SESN1: variants seen among roughly 807,000 people sequenced by gnomAD.
SESN1 encodes the protein sestrin-1.
Under a neutral mutation model 59.3 loss-of-function variants are expected in SESN1, and 30 were observed. The ratio of observed to expected loss-of-function variants is 0.51; its 90% CI spans 0.38 to 0.69. The LOEUF is 0.69. SESN1 is among the 30% of genes least tolerant of loss of function. The pLI is 0.00. For missense variants in SESN1, 566 were observed against 673.0 expected (o/e 0.84, Z 1.76); for synonymous variants, 197 against 219.9 (o/e 0.90, Z 0.92).
At chr6:108,995,736 A>G (rs1023937853) in intron 5 of SESN1, among the ~76,000 whole-genome samples, 2 of 152,162 alleles carry the variant, frequency 1.3e-5, no homozygotes, top group African/African-American at 4.8e-5. Flanking sequence ...GTGAGCTGTG[A>G]TTGTGCCACT....
chr6:108,996,064 G>T (rs146869870), intron 5 of SESN1, among the ~76,000 whole-genome samples: 82 of 152,268 alleles, frequency 5.4e-4, no homozygotes, highest in Non-Finnish European at 1.0e-3. Context: ...ATTTAATGCA[G>T]GCTCCCTTCC....
In SESN1 at chr6:109,046,991, T is replaced by TG. The variant is rs1269383264; in HGVS notation, c.280-44649dup. 1.0e-3 allele frequency among the ~76,000 whole-genome samples: 73 copies of TG among 69,914 alleles called. 1 individual carries two copies. Among genetic ancestry groups the TG allele is most frequent in the Middle Eastern group, 9.3e-3 (1 of 108 alleles). 45.9% of individuals were successfully genotyped at this position (69,914 alleles called of 152,430 possible). A position where few individuals can be genotyped will look rare whatever the true frequency, so the allele number is the denominator to read the frequency against. Reference sequence around the variant, plus strand: ...GCAGCCACCCCGTCCGGGAGGGAGGTGGGGGGGGTCAGCCCCCTGCCCGGC... The same window carrying TG: ...GCAGCCACCCCGTCCGGGAGGGAGGTGGGGGGGGGTCAGCCCCCTGCCCGGC... On this transcript the variant is annotated intron_variant, in intron 1 of 9. Transcript: ENST00000436639.
chr6:109,028,310 T>C (rs777749360), intron 1 of SESN1, among the ~76,000 whole-genome samples: 4 of 152,262 alleles, frequency 2.6e-5, no homozygotes, highest in Non-Finnish European at 5.9e-5. Context: ...TGTATCTGAC[T>C]ATCTTCCCAC....
In SESN1 at chr6:109,009,039, G is replaced by A. The variant is rs573313413; in HGVS notation, c.280-6696C>T. The A allele has an allele frequency of 1.0e-5, 10 of 978,360 alleles. No individual in the cohort carries two copies. In the East Asian group the frequency reaches 5.7e-4, roughly 56 times the overall value. The allele number at this position is 978,360 out of a possible 1,614,324, so 60.6% of individuals were successfully genotyped here. On this transcript the variant is annotated intron_variant, in intron 1 of 9. Coordinates refer to ENST00000436639, the MANE Select transcript of SESN1 (RefSeq NM_014454.3). Reference sequence around the variant, plus strand: ...TTTCTGACTTGTGGAGACTTGTCCAGACGACAATGTTATTTACGTATTGGA... The same window carrying A: ...TTTCTGACTTGTGGAGACTTGTCCAAACGACAATGTTATTTACGTATTGGA...
Position 108,986,974 on chromosome 6 carries a change from T to C in SESN1, c.*570A>G, listed in dbSNP as rs1451506306. The stretch of plus-strand genomic sequence containing the variant: ...AATGGTTGTTGCTGAGCTGTGTGAG[T>C]AGGAATTCTATGCTTTTTTAGATGC... On this transcript the variant is annotated 3_prime_UTR_variant, in exon 10 of 10. Transcript: ENST00000436639. 1 of 152,666 alleles carries C rather than the reference T, an allele frequency of 6.6e-6. No individual in the cohort carries two copies. Among genetic ancestry groups the C allele is most frequent in the Non-Finnish European group, 1.5e-5 (1 of 68,042 alleles). 9.5% of individuals were successfully genotyped at this position (152,666 alleles called of 1,614,324 possible).
At chr6:109,080,242 G>A (rs1173034131) in intron 1 of SESN1, among the ~76,000 whole-genome samples, 1 of 152,140 alleles carries the variant, frequency 6.6e-6, no homozygotes. Context: ...TGCACTGCCA[G>A]CACTGTCATG....
intron 1 of SESN1, among the ~76,000 whole-genome samples, chr6:109,011,661 GCT>G (rs759324706): frequency 6.9e-6 from 1 of 145,006 alleles, no homozygotes; most frequent in South Asian, 2.1e-4. Context: ...ACAGAGTCTC[GCT>G]CTGTCAGCCA....
chr6:109,049,250 TATG>T (rs147951360), intron 1 of SESN1, among the ~76,000 whole-genome samples: 2 of 152,238 alleles, frequency 1.3e-5, no homozygotes, highest in East Asian at 1.9e-4. Context: ...GAACTGAATT[TATG>T]ATAAGTAAAA....
chr6:109,073,485 C>A (rs974765698), intron 1 of SESN1, among the ~76,000 whole-genome samples: 3 of 152,134 alleles, frequency 2.0e-5, no homozygotes, highest in African/African-American at 7.2e-5. Context: ...TGTGACATTG[C>A]AAACCCGTCT....
In SESN1 at chr6:108,985,478, T is replaced by C. The variant is rs12212402; in HGVS notation, c.*2066A>G. Among the ~76,000 whole-genome samples the C allele has an allele frequency of 0.1, 15,269 of 152,262 alleles. 907 individuals carry two copies. Among genetic ancestry groups the C allele is most frequent in the Middle Eastern group, 0.19 (57 of 294 alleles). On this transcript the variant is annotated 3_prime_UTR_variant, in exon 10 of 10. Coordinates refer to ENST00000436639, the MANE Select transcript of SESN1 (RefSeq NM_014454.3). ...CATTAGAAATCCTGTGTGTTTAGTTTTGAGAAAACACTCCAACAGGAAGCA... is the reference window on the plus strand; with the variant it reads ...CATTAGAAATCCTGTGTGTTTAGTTCTGAGAAAACACTCCAACAGGAAGCA...
intron 1 of SESN1, among the ~76,000 whole-genome samples, chr6:109,058,407 C>A (rs540653800): frequency 1.3e-4 from 20 of 152,264 alleles, no homozygotes. Flanking sequence ...TAGGTTATAC[C>A]ATATAGCCTA....
In SESN1 at chr6:109,068,743, A is replaced by G. The variant is rs1384609109; in HGVS notation, c.279+25052T>C. Reference sequence around the variant, plus strand: ...GGGCTTTTTTTTTTTTTTTTGAGGCAGAGCTTCACTCTTATTGCCCAGGCT... The same window carrying G: ...GGGCTTTTTTTTTTTTTTTTGAGGCGGAGCTTCACTCTTATTGCCCAGGCT... On this transcript the variant is annotated intron_variant, in intron 1 of 9. Transcript: ENST00000436639. 4.8e-5 allele frequency among the ~76,000 whole-genome samples: 7 copies of G among 146,328 alleles called. No homozygotes were observed. In the East Asian group the frequency reaches 1.4e-3, roughly 29 times the overall value.
Position 108,987,352 on chromosome 6 carries a change from T to C in SESN1, c.*192A>G, listed in dbSNP as rs1321389218. On this transcript the variant is annotated 3_prime_UTR_variant, in exon 10 of 10. Transcript: ENST00000436639. ...GCAGCCTGTCTTCACAGCTCTAAAC[T>C]TGAAGCTGCCAAACAGTCACTGCTT... 5 of 486,478 alleles carry C rather than the reference T, an allele frequency of 1.0e-5. No individual in the cohort carries two copies. The highest frequency in any genetic ancestry group is 3.9e-5 in the South Asian group (1 of 25,656). The allele number at this position is 486,478 out of a possible 1,614,324, so 30.1% of individuals were successfully genotyped here. A position where few individuals can be genotyped will look rare whatever the true frequency, so the allele number is the denominator to read the frequency against.
intron 1 of SESN1, among the ~76,000 whole-genome samples, chr6:109,080,834 G>A (rs908527612): frequency 6.6e-6 from 1 of 152,046 alleles, no homozygotes; most frequent in Non-Finnish European, 1.5e-5. Flanking sequence ...GAAACATTTT[G>A]AGAACTGACA....
intron 1 of SESN1, among the ~76,000 whole-genome samples, chr6:109,016,704 G>T (rs915980827): frequency 2.0e-5 from 3 of 151,964 alleles, no homozygotes; most frequent in Non-Finnish European, 4.4e-5. Context: ...GTTTATATTT[G>T]CTTATCCATT....
rs1317142840 is a variant in SESN1, at chr6:108,986,987, C to CT, written c.*556dup. On this transcript the variant is annotated 3_prime_UTR_variant, in exon 10 of 10. Transcript: ENST00000436639. ...GAGCTGTGTGAGTAGGAATTCTATGCTTTTTTAGATGCAAGAAAATTAACA... is the reference window on the plus strand; with the variant it reads ...GAGCTGTGTGAGTAGGAATTCTATGCTTTTTTTAGATGCAAGAAAATTAACA... 3 of 152,550 alleles carry CT rather than the reference C, an allele frequency of 2.0e-5. No homozygotes were observed. The highest frequency in any genetic ancestry group is 1.9e-4 in the East Asian group (1 of 5,194). The allele number at this position is 152,550 out of a possible 1,614,324, so 9.4% of individuals were successfully genotyped here.
At chr6:109,073,439 C>G (rs1340423690) in intron 1 of SESN1, among the ~76,000 whole-genome samples, 3 of 152,170 alleles carry the variant, frequency 2.0e-5, no homozygotes, top group Non-Finnish European at 2.9e-5. Flanking sequence ...AAACTTTGGT[C>G]TCTTTTCCCC....
chr6:109,025,710 C>T (rs1780080711), intron 1 of SESN1, among the ~76,000 whole-genome samples: 2 of 151,794 alleles, frequency 1.3e-5, no homozygotes, highest in African/African-American at 4.8e-5. Context: ...CAATAAACAG[C>T]ATACTCAGTA....
intron 1 of SESN1, among the ~76,000 whole-genome samples, chr6:109,043,379 TAAA>T (rs1194234699): frequency 2.0e-5 from 3 of 151,882 alleles, no homozygotes; most frequent in African/African-American, 7.3e-5. Flanking sequence ...GCCATACAGA[TAAA>T]AAACAACAAC....
Sources: gnomAD v4.1 joint callset for allele counts (sites outside exome capture counted in the v4.1 genomes callset) on GRCh38, gnomAD v4.1.1 for gene constraint, MANE v1.5 for transcripts, NCBI Gene and HGNC (gene_info 2026-07-23, HGNC 2026-07-21) for gene names.